AOPEP: variants seen among roughly 807,000 people sequenced by gnomAD.
The protein encoded by AOPEP is aminopeptidase O (putative), also known as aminopeptidase O.
AOPEP carries 77 observed loss-of-function variants against 98.1 expected under a neutral mutation model. The ratio of observed to expected loss-of-function variants is 0.78; its 90% CI spans 0.65 to 0.95. The LOEUF (loss-of-function observed/expected upper bound fraction) is 0.95, where lower values mean the gene tolerates loss of function less well. Among genes scored for constraint, AOPEP ranks in the 40% least tolerant of loss-of-function variants. AOPEP has a pLI of 0.00. For synonymous variants in AOPEP, 346 were observed against 365.3 expected (o/e 0.95, Z 0.60); for missense variants, 1,024 against 1,024.7 (o/e 1.00, Z 0.01).
At chr9:95,088,937 C>G (rs533536466), downstream of AOPEP, among the ~76,000 whole-genome samples, 1 of 152,222 alleles carries the variant, frequency 6.6e-6, no homozygotes. Flanking sequence ...TGCCAGGAGT[C>G]GGCCTTTGCT....
intron 4 of AOPEP, among the ~76,000 whole-genome samples, chr9:94,795,462 G>C (rs987741555): frequency 6.6e-6 from 1 of 152,176 alleles, no homozygotes; most frequent in African/African-American, 2.4e-5. Flanking sequence ...TGAAGGCTTT[G>C]TCCATGGGTT....
the AOPEP span, among the ~76,000 whole-genome samples, chr9:95,124,105 A>C: frequency 2.0e-3 from 1 of 492 alleles, no homozygotes; most frequent in Non-Finnish European, 5.5e-3. Context: ...CCTTGTCTCA[A>C]AAAAAAAAAA....
At chr9:94,979,076 G>A (rs950243538) in intron 10 of AOPEP, among the ~76,000 whole-genome samples, 8 of 152,098 alleles carry the variant, frequency 5.3e-5, no homozygotes, top group African/African-American at 1.4e-4. Flanking sequence ...TTATCCTCCC[G>A]AAACTGGCTT....
chr9:94,781,500 G>T (rs1296615710), intron 3 of AOPEP, among the ~76,000 whole-genome samples: 1 of 150,838 alleles, frequency 6.6e-6, no homozygotes, highest in African/African-American at 2.4e-5. Flanking sequence ...ATTTTAAAAA[G>T]AATTGGTTTA....
intron 11 of AOPEP, among the ~76,000 whole-genome samples, chr9:94,989,141 A>G (rs1361725381): frequency 3.3e-5 from 5 of 151,332 alleles, no homozygotes; most frequent in African/African-American, 1.2e-4. Context: ...TTGCTCTGTC[A>G]CCCAGGCTGG....
intron 14 of AOPEP, among the ~76,000 whole-genome samples, chr9:95,073,173 G>A (rs887285713): frequency 6.6e-6 from 1 of 152,186 alleles, no homozygotes; most frequent in African/African-American, 2.4e-5. Flanking sequence ...TCTCTGACCT[G>A]GCCCAGGCTC....
intron 5 of AOPEP, among the ~76,000 whole-genome samples, chr9:94,915,798 G>A (rs2052713076): frequency 6.6e-6 from 1 of 152,230 alleles, no homozygotes; most frequent in Non-Finnish European, 1.5e-5. Context: ...ACTGGGGCTT[G>A]GCTTCTTGCT....
chr9:94,822,237 A>C (rs184029840), intron 5 of AOPEP, among the ~76,000 whole-genome samples: 19 of 152,312 alleles, frequency 1.2e-4, no homozygotes, highest in Admixed American at 1.2e-3. Flanking sequence ...CCCTTTAAGG[A>C]TGTGTTGATC....
rs1043570555 is a variant in AOPEP, at chr9:94,800,672, A to G, written c.1119-85A>G. ...AGTCTGTCTGAACCTCTGTCTCCTA[A>G]AAGTTGTCTACATCTGCAAGATTGC... On this transcript the variant is annotated intron_variant, in intron 4 of 16. Transcript: ENST00000375315. 6.8e-6 allele frequency: 10 copies of G among 1,460,556 alleles called. No homozygotes were observed. In the African/African-American group the frequency reaches 1.2e-4, roughly 18 times the overall value. The allele number at this position is 1,460,556 out of a possible 1,614,324, so 90.5% of individuals were successfully genotyped here.
intron 5 of AOPEP, among the ~76,000 whole-genome samples, chr9:94,822,298 A>G (rs1159364628): frequency 2.6e-5 from 4 of 152,218 alleles, no homozygotes; most frequent in Non-Finnish European, 5.9e-5. Flanking sequence ...GTGCTTTCAA[A>G]TGAATGCCTG....
intron 7 of AOPEP, chr9:94,933,027 A>T: frequency 1.0e-6 from 1 of 985,424 alleles, no homozygotes; most frequent in Non-Finnish European, 1.2e-6. Context: ...TTTCCCACAG[A>T]TAAGACCCCA....
At chr9:94,791,597 G>T (rs1331174605) in intron 3 of AOPEP, among the ~76,000 whole-genome samples, 1 of 152,034 alleles carries the variant, frequency 6.6e-6, no homozygotes, top group African/African-American at 2.4e-5. Flanking sequence ...TGAGACATTG[G>T]ATATTGGGTA....
At chr9:95,132,495 C>A in the AOPEP span, among the ~76,000 whole-genome samples, 5 of 152,152 alleles carry the variant, frequency 3.3e-5, no homozygotes, top group African/African-American at 1.2e-4. Context: ...AAGGAAAACA[C>A]AAGACCATCT....
At chr9:95,012,274 C>T (rs541858615) in intron 13 of AOPEP, among the ~76,000 whole-genome samples, 39 of 152,190 alleles carry the variant, frequency 2.6e-4, no homozygotes, top group African/African-American at 7.9e-4. Context: ...AAATCCCAGC[C>T]GGGATGTATT....
At chr9:94,964,072 G>C (rs577481060) in intron 9 of AOPEP, among the ~76,000 whole-genome samples, 4 of 152,198 alleles carry the variant, frequency 2.6e-5, no homozygotes, top group Non-Finnish European at 5.9e-5. Flanking sequence ...ATCTTGAATG[G>C]GATGGAACAC....
chr9:95,030,542 C>A (rs1457958185), intron 13 of AOPEP, among the ~76,000 whole-genome samples: 1 of 152,190 alleles, frequency 6.6e-6, no homozygotes, highest in East Asian at 1.9e-4. Context: ...AAGTGCAGAG[C>A]AGCGTCTGAG....
At chr9:95,146,460 C>T in the AOPEP span, among the ~76,000 whole-genome samples, 1 of 108,240 alleles carries the variant, frequency 9.2e-6, no homozygotes, top group Non-Finnish European at 1.7e-5. Flanking sequence ...TGCACTCCAG[C>T]CTATGTGACA....
At chr9:94,839,574 A>G (rs1426411795) in intron 5 of AOPEP, among the ~76,000 whole-genome samples, 1 of 152,186 alleles carries the variant, frequency 6.6e-6, no homozygotes, top group East Asian at 1.9e-4. Flanking sequence ...ACTAGTATAT[A>G]GAAATATGAT....
chr9:94,783,260 T>A (rs952216418), intron 3 of AOPEP, among the ~76,000 whole-genome samples: 12 of 152,190 alleles, frequency 7.9e-5, no homozygotes, highest in Admixed American at 7.2e-4. Context: ...ACAAGAATGA[T>A]CTTGAAGGTC....
Sources: gnomAD v4.1 joint callset for allele counts (sites outside exome capture counted in the v4.1 genomes callset) on GRCh38, gnomAD v4.1.1 for gene constraint, MANE v1.5 for transcripts, NCBI Gene and HGNC (gene_info 2026-07-23, HGNC 2026-07-21) for gene names.